Variants in SPTBN1 observed in about 807,000 individuals in gnomAD.
SPTBN1 encodes spectrin beta, non-erythrocytic 1, also known as spectrin beta chain, non-erythrocytic 1.
SPTBN1 carries 32 observed loss-of-function variants against 266.4 expected under a neutral mutation model. The ratio of observed to expected loss-of-function variants is 0.12; its 90% CI spans 0.09 to 0.16. The LOEUF (loss-of-function observed/expected upper bound fraction) is 0.16, where lower values mean the gene tolerates loss of function less well. Ranked by LOEUF, SPTBN1 falls within the 10% of genes least tolerant of loss-of-function variation. The probability of loss-of-function intolerance (pLI) is 1.00; values close to 1 mark genes in which losing one functional copy is unlikely to be tolerated. For synonymous variants in SPTBN1, 1,336 were observed against 1,162.2 expected (o/e 1.15, Z -3.04); for missense variants, 2,296 against 3,067.1 (o/e 0.75, Z 5.94).
At chr2:54,464,192 G>A (rs1285386107) in intron 1 of SPTBN1, among the ~76,000 whole-genome samples, 1 of 152,026 alleles carries the variant, frequency 6.6e-6, no homozygotes. Context: ...CATGTAGCTT[G>A]GTAACCTACA....
chr2:54,613,903 T>C (rs903260884), intron 4 of SPTBN1, among the ~76,000 whole-genome samples: 1 of 152,210 alleles, frequency 6.6e-6, no homozygotes, highest in African/African-American at 2.4e-5. Context: ...TGGCCTGCAA[T>C]AATCAGAGCG....
chr2:54,649,304 T>C lies in SPTBN1; in HGVS notation c.5202+114T>C, dbSNP rs1680117238. The C allele has an allele frequency of 8.1e-7, 1 of 1,227,360 alleles. No individual in the cohort carries two copies. Among genetic ancestry groups the C allele is most frequent in the Non-Finnish European group, 1.1e-6 (1 of 895,218 alleles). 76.0% of individuals were successfully genotyped at this position (1,227,360 alleles called of 1,614,324 possible). ...ATGCCCTGGACTCCAATCAGAGGTC[T>C]TGGGGTTTAGTTTTAAGGTGGTGTT... On this transcript the variant is annotated intron_variant, in intron 25 of 35. Coordinates refer to ENST00000356805, the MANE Select transcript of SPTBN1 (RefSeq NM_003128.3). This position sits in a 1 kb window ranked among gnomAD's most constrained non-coding sequence, Gnocchi z 6.7.
Position 54,646,199 on chromosome 2 carries a change from C to G in SPTBN1, c.4590C>G (p.Leu1530=), listed in dbSNP as rs756125318. Residue 1530 remains leucine, a synonymous_variant, in exon 23 of 36, where the codon CTC becomes CTG. Coordinates refer to ENST00000356805, the MANE Select transcript of SPTBN1 (RefSeq NM_003128.3). The surrounding 1 kb of genome is among the most constrained non-coding windows in gnomAD (Gnocchi z 4.4). The part of the protein sequence containing the change: ...VQLLIKKNQT[L]QKEIQGHQPR... ...GTATTTTCCGCTCCCTCCAGACCCT[C>G]CAGAAAGAAATCCAGGGGCACCAGC... 5 of 1,609,566 alleles carry G rather than the reference C, an allele frequency of 3.1e-6. No individual in the cohort carries two copies. The highest frequency in any genetic ancestry group is 4.2e-6 in the Non-Finnish European group (5 of 1,177,372).
intron 3 of SPTBN1, among the ~76,000 whole-genome samples, chr2:54,609,760 G>C (rs1004212487): frequency 6.6e-6 from 1 of 152,108 alleles, no homozygotes; most frequent in Admixed American, 6.5e-5. Context: ...TTACTGGCAA[G>C]GTACTTTGAG....
At chr2:54,494,768 A>G (rs957586285) in intron 1 of SPTBN1, among the ~76,000 whole-genome samples, 2 of 152,178 alleles carry the variant, frequency 1.3e-5, no homozygotes, top group Non-Finnish European at 2.9e-5. Flanking sequence ...ATGGACTCCA[A>G]AGAGGCATGG....
At chr2:54,593,822 A>ATTTTTTTTT (rs1675848999) in intron 2 of SPTBN1, among the ~76,000 whole-genome samples, 1 of 69,922 alleles carries the variant, frequency 1.4e-5, no homozygotes, top group African/African-American at 4.2e-5. Context: ...TCATGGAAAC[A>ATTTTTTTTT]CTTTTTTTTT....
rs559208882 is a variant in SPTBN1, at chr2:54,602,662, C to T, written c.300+3419C>T. On this transcript the variant is annotated intron_variant, in intron 3 of 35. Transcript: ENST00000356805. ...TTTTGCTTCCCTGTTGTTTCCTGAT[C>T]TGTATTCTGTCTTCTTACTCCATCA... Among the ~76,000 whole-genome samples, 5 of 152,270 alleles carry T rather than the reference C, an allele frequency of 3.3e-5. No homozygotes were observed. In the South Asian group the frequency reaches 1.0e-3, roughly 32 times the overall value.
chr2:54,570,400 G>C (rs1194176592), intron 2 of SPTBN1, among the ~76,000 whole-genome samples: 1 of 152,224 alleles, frequency 6.6e-6, no homozygotes, highest in African/African-American at 2.4e-5. Flanking sequence ...AATTATGCAA[G>C]TGGAAAGTTA....
At chr2:54,489,151 T>TA (rs66488966) in intron 1 of SPTBN1, among the ~76,000 whole-genome samples, 525 of 116,078 alleles carry the variant, frequency 4.5e-3, no homozygotes, top group Admixed American at 6.4e-3. Context: ...GGTCTGTATT[T>TA]AAAAAAAAAA....
chr2:54,478,839 GT>G (rs1667970504), intron 1 of SPTBN1, among the ~76,000 whole-genome samples: 1 of 152,086 alleles, frequency 6.6e-6, no homozygotes, highest in African/African-American at 2.4e-5. Context: ...AATAGAAAGT[GT>G]TCTGAAAATA....
At chr2:54,513,592 T>C (rs1669968689) in intron 1 of SPTBN1, among the ~76,000 whole-genome samples, 1 of 152,176 alleles carries the variant, frequency 6.6e-6, no homozygotes, top group Non-Finnish European at 1.5e-5. Flanking sequence ...TAAAACTATT[T>C]GGAAGTAAAT....
chr2:54,635,655 T>G (rs918249172), intron 17 of SPTBN1, among the ~76,000 whole-genome samples: 38 of 152,402 alleles, frequency 2.5e-4, no homozygotes, highest in African/African-American at 8.9e-4. Flanking sequence ...ATGTGTGTCC[T>G]GTTGTTAATT....
chr2:54,651,790 T>G (rs889525684), intron 26 of SPTBN1, among the ~76,000 whole-genome samples: 4 of 152,240 alleles, frequency 2.6e-5, no homozygotes, highest in African/African-American at 9.6e-5. Context: ...CTCATTGTAA[T>G]TTGAGTTAAA....
chr2:54,653,584 G>C lies in SPTBN1; in HGVS notation c.5578-25G>C. ...GGGAAGGCCGCCATGGGCTGACCTG[G>C]CTCATCCCCTACATGGCTTCACAGG... On this transcript the variant is annotated intron_variant, in intron 26 of 35. Transcript: ENST00000356805. This position sits in a 1 kb window ranked among gnomAD's most constrained non-coding sequence, Gnocchi z 5.1. The C allele has an allele frequency of 3.7e-6, 6 of 1,610,416 alleles. No homozygotes were observed. Among genetic ancestry groups the C allele is most frequent in the Non-Finnish European group, 5.1e-6 (6 of 1,179,150 alleles).
At chr2:54,524,645 C>G (rs1670687980) in intron 1 of SPTBN1, among the ~76,000 whole-genome samples, 1 of 152,188 alleles carries the variant, frequency 6.6e-6, no homozygotes, top group Non-Finnish European at 1.5e-5. Context: ...GAATATTTTA[C>G]AAATACACTC....
At chr2:54,492,577 T>C (rs1469130830) in intron 1 of SPTBN1, among the ~76,000 whole-genome samples, 1 of 152,186 alleles carries the variant, frequency 6.6e-6, no homozygotes, top group African/African-American at 2.4e-5. Context: ...GTAGATGCCT[T>C]CGAACTTAGG....
At chr2:54,665,138 C>T (rs143417800) in intron 33 of SPTBN1, among the ~76,000 whole-genome samples, 3 of 152,116 alleles carry the variant, frequency 2.0e-5, no homozygotes, top group African/African-American at 7.2e-5. Context: ...AGGCTCTGAG[C>T]GGTTAACAAA....
At position 54,633,709 on chromosome 2, in the gene SPTBN1, G is replaced by C. The variant is rs148698817; in HGVS notation, c.3767+941G>C. The stretch of plus-strand genomic sequence containing the variant: ...GCCCTTCCTTTCTGCCTCTCTTCTG[G>C]CCTTCAAGTGTGTTGGAAAGGAAAA... On this transcript the variant is annotated intron_variant, in intron 17 of 35. Coordinates refer to ENST00000356805, the MANE Select transcript of SPTBN1 (RefSeq NM_003128.3). 9.2e-5 allele frequency among the ~76,000 whole-genome samples: 14 copies of C among 152,262 alleles called. No homozygotes were observed. The East Asian group carries it at 2.5e-3, about 27-fold the overall frequency.
intron 29 of SPTBN1, among the ~76,000 whole-genome samples, chr2:54,657,495 G>C (rs552668858): frequency 7.9e-5 from 12 of 152,296 alleles, no homozygotes; most frequent in African/African-American, 2.6e-4. Flanking sequence ...CAGTGAATGT[G>C]TGCCGTAAAA....
Sources: allele counts gnomAD v4.1 joint callset (sites outside exome capture counted in the v4.1 genomes callset), GRCh38; gene constraint gnomAD v4.1.1; non-coding constraint Gnocchi (gnomAD v3.1); transcripts MANE v1.5; gene names NCBI Gene and HGNC (gene_info 2026-07-23, HGNC 2026-07-21).